Variants in RAPGEF2 observed in about 807,000 individuals in gnomAD.
The protein encoded by RAPGEF2 is PDZ domain containing guanine nucleotide exchange factor (GEF) 1.
Under a neutral mutation model 186.7 loss-of-function variants are expected in RAPGEF2, and 54 were observed. The ratio of observed to expected loss-of-function variants is 0.29; its 90% CI spans 0.23 to 0.36. The LOEUF (loss-of-function observed/expected upper bound fraction) is 0.36. RAPGEF2 is among the 10% of genes least tolerant of loss of function. The pLI, the probability that RAPGEF2 is intolerant of heterozygous loss-of-function variation, is 1.00. For missense variants in RAPGEF2, 1,532 were observed against 2,045.0 expected (o/e 0.75, Z 4.84); for synonymous variants, 712 against 705.9 (o/e 1.01, Z -0.14).
intron 1 of RAPGEF2, among the ~76,000 whole-genome samples, chr4:159,104,522 GAGA>G (rs1737607338): frequency 7.9e-6 from 1 of 126,752 alleles, no homozygotes; most frequent in African/African-American, 3.4e-5. Context: ...GAGAGAGAGA[GAGA>G]GGGAGAGACA....
intron 4 of RAPGEF2, among the ~76,000 whole-genome samples, chr4:159,211,992 G>A (rs1430722657): frequency 6.6e-6 from 1 of 152,186 alleles, no homozygotes; most frequent in Non-Finnish European, 1.5e-5. Flanking sequence ...AGCTTTTACA[G>A]TACTTTCCAT....
At chr4:159,235,534 C>T (rs979691389) in intron 4 of RAPGEF2, among the ~76,000 whole-genome samples, 5 of 152,214 alleles carry the variant, frequency 3.3e-5, no homozygotes, top group Non-Finnish European at 7.3e-5. Context: ...TTCACTCTCT[C>T]AAAGTGTATT....
intron 3 of RAPGEF2, among the ~76,000 whole-genome samples, chr4:159,209,669 G>A (rs1405785854): frequency 6.6e-6 from 1 of 152,164 alleles, no homozygotes; most frequent in East Asian, 1.9e-4. Flanking sequence ...TAAGGTTGTG[G>A]GGAAGTAGGT....
chr4:159,117,573 C>T (rs1348796806), intron 1 of RAPGEF2, among the ~76,000 whole-genome samples: 2 of 150,660 alleles, frequency 1.3e-5, no homozygotes, highest in Non-Finnish European at 1.5e-5. Flanking sequence ...ATATATTCTG[C>T]GATGGTTGGG....
At chr4:159,243,865 T>G (rs1754298319) in intron 7 of RAPGEF2, 74 bp downstream of exon 7, 1 of 1,025,370 alleles carries the variant, frequency 9.8e-7, no homozygotes, top group Admixed American at 2.3e-5. Flanking sequence ...ACTAATGAAT[T>G]TATAATATTC....
At chr4:159,136,635 G>T (rs956692255) in intron 1 of RAPGEF2, among the ~76,000 whole-genome samples, 2 of 152,180 alleles carry the variant, frequency 1.3e-5, no homozygotes, top group African/African-American at 4.8e-5. Flanking sequence ...CTAGCACACT[G>T]CTTGACATGC....
At chr4:159,180,580 G>A (rs1746902480) in intron 1 of RAPGEF2, among the ~76,000 whole-genome samples, 1 of 152,164 alleles carries the variant, frequency 6.6e-6, no homozygotes, top group African/African-American at 2.4e-5. Context: ...ATGATGTACT[G>A]TAAGAGCAAT....
chr4:159,169,675 C>T (rs1036575665), intron 1 of RAPGEF2, among the ~76,000 whole-genome samples: 3 of 151,676 alleles, frequency 2.0e-5, no homozygotes, highest in African/African-American at 7.3e-5. Flanking sequence ...TGAAATCACA[C>T]AGTATTTGCC....
chr4:159,135,965 C>T (rs1317447620), intron 1 of RAPGEF2, among the ~76,000 whole-genome samples: 3 of 152,114 alleles, frequency 2.0e-5, no homozygotes, highest in East Asian at 1.9e-4. Context: ...AGAGAGTTTC[C>T]ATATGTATAC....
At chr4:159,115,083 G>C (rs1738897228) in intron 1 of RAPGEF2, among the ~76,000 whole-genome samples, 1 of 151,986 alleles carries the variant, frequency 6.6e-6, no homozygotes, top group Non-Finnish European at 1.5e-5. Flanking sequence ...TTACATTTAG[G>C]TTATAAAGTC....
At chr4:159,303,488 C>T (rs13120682) in intron 7 of RAPGEF2, among the ~76,000 whole-genome samples, 95,437 of 151,902 alleles carry the variant, frequency 0.63, 31,469 homozygotes, top group African/African-American at 0.81. Flanking sequence ...ATATTATAGA[C>T]AAATATAATG....
chr4:159,342,016 A>T, intron 20 of RAPGEF2, 69 bp downstream of exon 20: 1 of 1,400,352 alleles, frequency 7.1e-7, no homozygotes, highest in Non-Finnish European at 9.7e-7. Context: ...CAGTCCAGGA[A>T]CATCATATAA....
rs756967430 is a variant in RAPGEF2, at chr4:159,353,631, A to G, written c.4236A>G (p.Ser1412=). 12 of 1,596,332 alleles carry G rather than the reference A, an allele frequency of 7.5e-6. No individual in the cohort carries two copies. Among genetic ancestry groups the G allele is most frequent in the Middle Eastern group, 1.7e-4 (1 of 5,938 alleles). The change falls in exon 28 of 30, where the codon TCA becomes TCG. Residue 1412 remains serine (S), a synonymous_variant. Coordinates refer to ENST00000691494, the MANE Select transcript of RAPGEF2 (RefSeq NM_001394067.2). The surrounding 1 kb of genome is among the most constrained non-coding windows in gnomAD (Gnocchi z 4.3). The part of the protein sequence containing the change: ...AADSGRGSWT[S]CSSGSHDNIQ... ...ACAGTGGCCGTGGGAGCTGGACGTC[A>G]TGCTCAAGTGGCTCCCATGATAATA... is the stretch of plus-strand genomic sequence containing the variant.
chr4:159,138,500 G>A (rs974026064), intron 1 of RAPGEF2, among the ~76,000 whole-genome samples: 3 of 152,110 alleles, frequency 2.0e-5, no homozygotes, highest in African/African-American at 7.2e-5. Flanking sequence ...ACCTTAGGAT[G>A]TAGGCCAAAT....
chr4:159,328,054 G>A (rs1031867074), intron 11 of RAPGEF2: 1 of 152,038 alleles, frequency 6.6e-6, no homozygotes, highest in African/African-American at 2.4e-5. Context: ...ATTCAGGGAT[G>A]TATTTCTTTT....
chr4:159,197,907 T>C (rs1429853775), intron 3 of RAPGEF2, among the ~76,000 whole-genome samples: 3 of 152,210 alleles, frequency 2.0e-5, no homozygotes, highest in Non-Finnish European at 4.4e-5. Flanking sequence ...GGAAGGGATG[T>C]CATTTTGCCT....
chr4:159,343,533 C>T, intron 22 of RAPGEF2, 129 bp downstream of exon 22: 1 of 1,201,218 alleles, frequency 8.3e-7, no homozygotes, highest in Non-Finnish European at 1.2e-6. Context: ...GTAGGATGTG[C>T]TGAGAATCAC....
rs35712817 is a variant in RAPGEF2, at chr4:159,290,101, TGAA to T, written c.544-14235_544-14233del. On this transcript the variant is annotated intron_variant, in intron 7 of 29. Coordinates refer to ENST00000691494, the MANE Select transcript of RAPGEF2 (RefSeq NM_001394067.2). ...TAAAAGTTTACTTCTGGCTGCGACA[TGAA>T]GAAGAGGGTGTTACAAGAAGCAAGA... Among the ~76,000 whole-genome samples, 1,235 of 152,264 alleles carry T rather than the reference TGAA, an allele frequency of 8.1e-3. 13 individuals are homozygous for T. Among genetic ancestry groups the T allele is most frequent in the African/African-American group, 0.028 (1,164 of 41,546 alleles).
At chr4:159,296,520 C>G (rs1762049381) in intron 7 of RAPGEF2, among the ~76,000 whole-genome samples, 1 of 152,180 alleles carries the variant, frequency 6.6e-6, no homozygotes, top group African/African-American at 2.4e-5. Flanking sequence ...CCTAGCCGTT[C>G]ATCTGGGGCT....
Sources: allele counts gnomAD v4.1 joint callset (sites outside exome capture counted in the v4.1 genomes callset), GRCh38; gene constraint gnomAD v4.1.1; non-coding constraint Gnocchi (gnomAD v3.1); transcripts MANE v1.5; gene names NCBI Gene and HGNC (gene_info 2026-07-23, HGNC 2026-07-21).